The following TCTN2 variants were observed in gnomAD, a reference collection of about 807,000 sequenced individuals.
TCTN2 encodes the protein tectonic-2.
In TCTN2, 66 loss-of-function variants were observed where a neutral mutation model predicts 83.4. The ratio of observed to expected loss-of-function variants is 0.79; its 90% CI spans 0.65 to 0.97. TCTN2 has a LOEUF of 0.97. Among genes scored for constraint, TCTN2 ranks in the 50% least tolerant of loss-of-function variants. The pLI, the probability that TCTN2 is intolerant of heterozygous loss-of-function variation, is 0.00. For missense variants in TCTN2, 794 were observed against 858.1 expected, an observed-to-expected ratio of 0.93 and a Z score of 0.93; for synonymous variants, 301 against 326.7, an observed-to-expected ratio of 0.92 and a Z score of 0.85.
chr12:123,694,968 A>G lies in TCTN2; in HGVS notation c.1226A>G (p.His409Arg), dbSNP rs1257048049. The G allele has an allele frequency of 6.2e-7, 1 of 1,613,476 alleles. No individual in the cohort carries two copies. The highest frequency in any genetic ancestry group is 2.2e-5 in the East Asian group (1 of 44,860). ...VKIFRAEINA[H>R]QKGIMTQRFV... The stretch of plus-strand genomic sequence containing the variant: ...ATTTTTAGGGCAGAGATTAATGCCC[A>G]CCAGAAAGGTAACTTTGATGAGGGT... Residue 409 changes from histidine (H) to arginine (R), a missense_variant, in exon 10 of 18, where the codon CAC (histidine) becomes CGC (arginine). Physicochemically the swap from His to Arg is conservative, Grantham distance 29. Coordinates refer to ENST00000303372, the MANE Select transcript of TCTN2 (RefSeq NM_024809.5).
chr12:123,684,005 C>A (rs1027159837), intron 5 of TCTN2, among the ~76,000 whole-genome samples: 3 of 152,108 alleles, frequency 2.0e-5, no homozygotes, highest in African/African-American at 4.8e-5. Flanking sequence ...TACTGGTACC[C>A]AAGTCCCAAG....
In TCTN2 at chr12:123,672,833, C is replaced by A. The variant is rs562413366; in HGVS notation, c.267+701C>A. Among the ~76,000 whole-genome samples, 35 of 152,260 alleles carry A rather than the reference C, an allele frequency of 2.3e-4. No individual in the cohort carries two copies. In the South Asian group the frequency reaches 7.1e-3, roughly 31 times the overall value. ...TGGGAGGCCGAGGAGGGCGGATCAT[C>A]TGAGGTCAGGAGTTCAAGACCAGTC... On this transcript the variant is annotated intron_variant, in intron 3 of 17. Transcript: ENST00000303372.
At chr12:123,697,358 A>G (rs1160226793) in intron 13 of TCTN2, among the ~76,000 whole-genome samples, 160 bp downstream of exon 13, 1 of 152,256 alleles carries the variant, frequency 6.6e-6, no homozygotes, top group East Asian at 1.9e-4. Flanking sequence ...TTTAGAGTTG[A>G]TTCAAACATC....
Position 123,703,408 on chromosome 12 carries a change from C to T in TCTN2, c.1613-1124C>T, listed in dbSNP as rs1418458494. Among the ~76,000 whole-genome samples the T allele has an allele frequency of 2.6e-4, 39 of 152,136 alleles. 1 individual carries two copies. Among genetic ancestry groups the T allele is most frequent in the Admixed American group, 2.5e-3 (38 of 15,268 alleles). ...TGTTGGCCAGGCTGGTCTCGAACTC[C>T]TGACCTCAGGTCATCCACCCACCTC... is the stretch of plus-strand genomic sequence containing the variant. On this transcript the variant is annotated intron_variant, in intron 14 of 17. Transcript: ENST00000303372.
intron 15 of TCTN2, 72 bp from the exon 16 acceptor site, chr12:123,706,654 C>G: frequency 1.2e-6 from 2 of 1,609,588 alleles, no homozygotes; most frequent in Non-Finnish European, 8.5e-7. Flanking sequence ...GTGATTGCAT[C>G]CGTTACCTGC....
intron 6 of TCTN2, among the ~76,000 whole-genome samples, chr12:123,687,670 CAAAGTAA>C (rs1176291169): frequency 6.7e-6 from 1 of 148,204 alleles, no homozygotes; most frequent in Non-Finnish European, 1.5e-5. Context: ...CAAAACAAAA[CAAAGTAA>C]AGAGGCTGGG....
chr12:123,704,490 C>G, intron 14 of TCTN2, 42 bp from the exon 15 acceptor site: 2 of 1,566,358 alleles, frequency 1.3e-6, no homozygotes, highest in Non-Finnish European at 1.7e-6. Context: ...GAAAACTTAT[C>G]AAATTATTCT....
At chr12:123,702,011 A>C (rs563798847) in intron 14 of TCTN2, among the ~76,000 whole-genome samples, 1 of 152,294 alleles carries the variant, frequency 6.6e-6, no homozygotes, top group East Asian at 1.9e-4. Context: ...GTTATGTTGG[A>C]GAGGCCTAAG....
Position 123,696,449 on chromosome 12 carries a change from T to G in TCTN2, c.1347T>G (p.Asn449Lys). The G allele has an allele frequency of 6.2e-7, 1 of 1,614,194 alleles. No homozygotes were observed. The highest frequency in any genetic ancestry group is 8.5e-7 in the Non-Finnish European group (1 of 1,180,014). ...TTGGCAAGCCTGTCCGAGCTCTAAA[T>G]ATCAACAGGATGAATAATGTCACGA... ...YQLGKPVRALNINRMNNVTTL... is the reference protein window; with the variant it reads ...YQLGKPVRALKINRMNNVTTL... The change falls in exon 12 of 18, where the codon AAT becomes AAG. Residue 449 changes from asparagine (N) to lysine (K), a missense_variant. Coordinates refer to ENST00000303372, the MANE Select transcript of TCTN2 (RefSeq NM_024809.5).
At chr12:123,680,071 T>C (rs1309056408) in intron 5 of TCTN2, among the ~76,000 whole-genome samples, 3 of 151,874 alleles carry the variant, frequency 2.0e-5, no homozygotes, top group African/African-American at 7.2e-5. Flanking sequence ...TTAAAAATTT[T>C]GGTGGGCGCA....
intron 15 of TCTN2, among the ~76,000 whole-genome samples, chr12:123,705,244 C>G (rs1401875938): frequency 6.8e-6 from 1 of 147,964 alleles, no homozygotes; most frequent in Non-Finnish European, 1.5e-5. Flanking sequence ...CTCACTGCAA[C>G]CTCCAACTCT....
chr12:123,707,953 C>T lies in TCTN2; in HGVS notation c.*240C>T, dbSNP rs1956251534. The stretch of plus-strand genomic sequence containing the variant: ...TCGAACTCCTGACCTCATGATCCGC[C>T]CATCTTGGCCTCCCAAAGTGCTGAG... On this transcript the variant is annotated 3_prime_UTR_variant, in exon 18 of 18. Transcript: ENST00000303372. 1.9e-6 allele frequency: 1 copy of T among 523,616 alleles called. No homozygotes were observed. Among genetic ancestry groups the T allele is most frequent in the Non-Finnish European group, 3.4e-6 (1 of 290,006 alleles). The allele number at this position is 523,616 out of a possible 1,614,324, so 32.4% of individuals were successfully genotyped here.
intron 6 of TCTN2, 88 bp downstream of exon 6, chr12:123,687,123 G>C: frequency 1.3e-6 from 2 of 1,494,960 alleles, no homozygotes; most frequent in Admixed American, 3.3e-5. Context: ...ACGCGGTCAC[G>C]TTTTTCCCAA....
intron 8 of TCTN2, among the ~76,000 whole-genome samples, chr12:123,692,357 C>T (rs923024232): frequency 3.3e-5 from 5 of 152,192 alleles, no homozygotes; most frequent in Admixed American, 3.3e-4. Context: ...TTGTTTTCTA[C>T]AGTGTCTGCA....
intron 5 of TCTN2, among the ~76,000 whole-genome samples, chr12:123,680,204 T>C (rs1955879837): frequency 6.6e-6 from 1 of 151,404 alleles, no homozygotes; most frequent in Non-Finnish European, 1.5e-5. Flanking sequence ...AATACAAAAT[T>C]AGCCAGGCGT....
chr12:123,675,018 C>G (rs1955803930), intron 4 of TCTN2, among the ~76,000 whole-genome samples: 1 of 152,152 alleles, frequency 6.6e-6, no homozygotes, highest in South Asian at 2.1e-4. Flanking sequence ...GCTGGGGCTA[C>G]TGGCGTGCAC....
chr12:123,701,843 G>T (rs1956176873), intron 14 of TCTN2, among the ~76,000 whole-genome samples: 1 of 152,158 alleles, frequency 6.6e-6, no homozygotes, highest in African/African-American at 2.4e-5. Flanking sequence ...AAAGGTATTT[G>T]CAGTGTTGAA....
At chr12:123,693,018 CTTT>C (rs539689505) in intron 9 of TCTN2, among the ~76,000 whole-genome samples, 183 of 53,784 alleles carry the variant, frequency 3.4e-3, no homozygotes, top group Middle Eastern at 0.029. Flanking sequence ...TTAAATAATT[CTTT>C]TTTTTTTTTT....
chr12:123,671,250 C>T lies in TCTN2; in HGVS notation c.10C>T (p.Gln4Ter). Reference sequence around the variant, plus strand: ...CCGCGAGGTCTAAGGCATGGGCTTCCAGCCTCCGGCCGCTCTTCTTTTGAG... The same window carrying T: ...CCGCGAGGTCTAAGGCATGGGCTTCTAGCCTCCGGCCGCTCTTCTTTTGAG... MGF[Q>*]PPAALLLRLF... Residue 4 changes from glutamine (Q) to a stop codon, truncating the protein, a stop_gained, in exon 1 of 18, where the codon CAG (glutamine) becomes TAG (stop). Coordinates refer to ENST00000303372, the MANE Select transcript of TCTN2 (RefSeq NM_024809.5). LOFTEE classifies it high-confidence loss of function. 6.2e-7 allele frequency: 1 copy of T among 1,613,148 alleles called. No homozygotes were observed. The highest frequency in any genetic ancestry group is 8.5e-7 in the Non-Finnish European group (1 of 1,179,808).
Sources: gnomAD v4.1 joint callset for allele counts (sites outside exome capture counted in the v4.1 genomes callset) on GRCh38, gnomAD v4.1.1 for gene constraint, MANE v1.5 for transcripts, NCBI Gene and HGNC (gene_info 2026-07-23, HGNC 2026-07-21) for gene names.